APCDD1L: variants seen among roughly 807,000 people sequenced by gnomAD.
APCDD1L encodes APC down-regulated 1 like.
Under a neutral mutation model 24.2 loss-of-function variants are expected in APCDD1L, and 21 were observed. The observed-to-expected ratio is 0.87, with a 90% confidence interval of 0.61 to 1.25. The LOEUF is 1.25. Ranked by LOEUF, APCDD1L falls within the 50% of genes most tolerant of loss-of-function variation. APCDD1L has a pLI of 0.00. For missense variants in APCDD1L, 704 were observed against 711.7 expected, an observed-to-expected ratio of 0.99 and a Z score of 0.12; for synonymous variants, 321 against 323.6, an observed-to-expected ratio of 0.99 and a Z score of 0.09.
intron 3 of APCDD1L, among the ~76,000 whole-genome samples, chr20:58,463,213 G>T (rs1989645416): frequency 6.6e-6 from 1 of 151,214 alleles, no homozygotes; most frequent in Non-Finnish European, 1.5e-5. Flanking sequence ...GAAGGAGATA[G>T]TTGAAATCTC....
intron 2 of APCDD1L, among the ~76,000 whole-genome samples, chr20:58,469,033 G>A (rs753870165): frequency 1.9e-4 from 29 of 152,206 alleles, no homozygotes; most frequent in Non-Finnish European, 3.1e-4. Context: ...CTCCCAGAGA[G>A]AGCAACTTAG....
At chr20:58,483,309 C>T (rs6070480) in intron 1 of APCDD1L, among the ~76,000 whole-genome samples, 1 of 152,026 alleles carries the variant, frequency 6.6e-6, no homozygotes, top group African/African-American at 2.4e-5. Flanking sequence ...CTTCTTGGGG[C>T]TGGAATGTTC....
At chr20:58,493,362 G>C (rs1990260856) in intron 1 of APCDD1L, among the ~76,000 whole-genome samples, 1 of 152,182 alleles carries the variant, frequency 6.6e-6, no homozygotes, top group Admixed American at 6.5e-5. Context: ...CTGTGATTTT[G>C]GTAACTCTAG....
intron 3 of APCDD1L, among the ~76,000 whole-genome samples, chr20:58,464,830 T>G (rs1989677219): frequency 1.3e-5 from 2 of 151,564 alleles, no homozygotes; most frequent in African/African-American, 4.8e-5. Context: ...ATTCCTTCTT[T>G]GAAATTATCT....
At chr20:58,462,003 A>G (rs959545760) in intron 3 of APCDD1L, 1 of 161,616 alleles carries the variant, frequency 6.2e-6, no homozygotes, top group African/African-American at 2.4e-5. Flanking sequence ...ACAGTACTAA[A>G]AAGCCCTAGA....
chr20:58,495,210 T>C (rs1990298550), intron 1 of APCDD1L, among the ~76,000 whole-genome samples: 1 of 152,240 alleles, frequency 6.6e-6, no homozygotes, highest in African/African-American at 2.4e-5. Flanking sequence ...TATGGAGCTC[T>C]AGGACCAGTG....
At chr20:58,509,823 T>C (rs1990593987) in intron 1 of APCDD1L, among the ~76,000 whole-genome samples, 1 of 152,218 alleles carries the variant, frequency 6.6e-6, no homozygotes, top group African/African-American at 2.4e-5. Flanking sequence ...TCACTACTTC[T>C]AGAGGCATCT....
At chr20:58,477,182 TA>T (rs1459058893) in intron 1 of APCDD1L, among the ~76,000 whole-genome samples, 1 of 152,214 alleles carries the variant, frequency 6.6e-6, no homozygotes, top group Non-Finnish European at 1.5e-5. Flanking sequence ...ACCAGGACGT[TA>T]ACATCAATAC....
chr20:58,485,556 C>A (rs1176656183), intron 1 of APCDD1L, among the ~76,000 whole-genome samples: 2 of 152,120 alleles, frequency 1.3e-5, no homozygotes, highest in Non-Finnish European at 2.9e-5. Context: ...GATTCTTACC[C>A]TTCTGTTTAT....
chr20:58,498,352 C>T (rs528738170), intron 1 of APCDD1L, among the ~76,000 whole-genome samples: 2 of 152,132 alleles, frequency 1.3e-5, no homozygotes, highest in Admixed American at 6.5e-5. Flanking sequence ...GAAATTTCAG[C>T]CTCCAAAATG....
chr20:58,470,766 TG>T lies in APCDD1L; in HGVS notation c.50-20del. 19 of 1,525,152 alleles carry T rather than the reference TG, an allele frequency of 1.2e-5. No homozygotes were observed. Among genetic ancestry groups the T allele is most frequent in the Non-Finnish European group, 1.7e-5 (19 of 1,141,016 alleles). The allele number at this position is 1,525,152 out of a possible 1,614,324, so 94.5% of individuals were successfully genotyped here. A position where few individuals can be genotyped will look rare whatever the true frequency, so the allele number is the denominator to read the frequency against. On this transcript the variant is annotated intron_variant, in intron 1 of 3. Transcript: ENST00000371149. ...GTGTGGGCTGCAAAGCAGACAGACC[TG>T]GGTAAGACCCCAGCATGCCCCGGGA...
Position 58,467,607 on chromosome 20 carries a change from G to T in APCDD1L, c.240C>A (p.Tyr80Ter). 1 of 1,548,978 alleles carries T rather than the reference G, an allele frequency of 6.5e-7. No homozygotes were observed. The highest frequency in any genetic ancestry group is 2.5e-5 in the East Asian group (1 of 40,014). Residue 80 changes from tyrosine (Y) to a stop codon, truncating the protein, a stop_gained, in exon 3 of 4, where the codon TAC (tyrosine) becomes TAA (stop). Transcript: ENST00000371149. LOFTEE classifies it high-confidence loss of function. This position sits in a 1 kb window ranked among gnomAD's most constrained non-coding sequence, Gnocchi z 5.9. ...PEFLTRAYTF[Y>*]PSRLFRAHQF... ...GGTGGGCTCGAAAGAGCCGGCTGGGGTAGAAGGTGTAGGCGCGGGTCAGGA... is the reference window on the plus strand; with the variant it reads ...GGTGGGCTCGAAAGAGCCGGCTGGGTTAGAAGGTGTAGGCGCGGGTCAGGA...
chr20:58,498,022 G>A (rs1396478723), intron 1 of APCDD1L, among the ~76,000 whole-genome samples: 1 of 152,022 alleles, frequency 6.6e-6, no homozygotes, highest in Non-Finnish European at 1.5e-5. Flanking sequence ...GTGGTGGGCT[G>A]TTTTTAAAAT....
rs6026318 is a variant in APCDD1L, at chr20:58,508,511, C to T, written c.49+6148G>A. ...TGCCCCCTGAAGTGGTTGACATCCT[C>T]GATTAGATGTTGGCATTGGTGGTGG... On this transcript the variant is annotated intron_variant, in intron 1 of 3. Coordinates refer to ENST00000371149, the MANE Select transcript of APCDD1L (RefSeq NM_153360.3). The surrounding 1 kb of genome is among the most constrained non-coding windows in gnomAD (Gnocchi z 4.0). Among the ~76,000 whole-genome samples the T allele has an allele frequency of 7.2e-5, 11 of 152,090 alleles. No homozygotes were observed. Among genetic ancestry groups the T allele is most frequent in the Admixed American group, 5.9e-4 (9 of 15,278 alleles).
chr20:58,466,062 G>A (rs1392504761), intron 3 of APCDD1L, among the ~76,000 whole-genome samples: 3 of 147,024 alleles, frequency 2.0e-5, no homozygotes, highest in African/African-American at 7.6e-5. Flanking sequence ...CAGGCTCTGA[G>A]CTATGTGCCA....
At position 58,497,368 on chromosome 20, in the gene APCDD1L, G is replaced by A. The variant is rs559737449; in HGVS notation, c.49+17291C>T. Among the ~76,000 whole-genome samples the A allele has an allele frequency of 5.3e-4, 80 of 152,202 alleles. No individual in the cohort carries two copies. In the Middle Eastern group the frequency reaches 0.017, roughly 32 times the overall value. On this transcript the variant is annotated intron_variant, in intron 1 of 3. Transcript: ENST00000371149. This position sits in a 1 kb window ranked among gnomAD's most constrained non-coding sequence, Gnocchi z 4.3. Reference sequence around the variant, plus strand: ...GAGAGGGCCCACTAGGAGGCCCAGGGAACAGACGCCTTGCATCGTGTCCAC... The same window carrying A: ...GAGAGGGCCCACTAGGAGGCCCAGGAAACAGACGCCTTGCATCGTGTCCAC...
At chr20:58,514,279 A>G (rs6015294) in intron 1 of APCDD1L, among the ~76,000 whole-genome samples, 49,608 of 151,992 alleles carry the variant, frequency 0.33, 8,947 homozygotes, top group East Asian at 0.51. Context: ...CTTGGTCTGA[A>G]TAGCCGGGCT....
intron 1 of APCDD1L, among the ~76,000 whole-genome samples, chr20:58,471,964 G>A (rs1024380713): frequency 6.6e-6 from 1 of 152,186 alleles, no homozygotes; most frequent in African/African-American, 2.4e-5. Context: ...GGAGGGGTTG[G>A]GGGCTGAGTT....
chr20:58,505,621 C>T (rs145745401), intron 1 of APCDD1L, among the ~76,000 whole-genome samples: 1 of 152,170 alleles, frequency 6.6e-6, no homozygotes, highest in Non-Finnish European at 1.5e-5. Flanking sequence ...CCCAGAAACA[C>T]CTGGTGCCAT....
Sources: allele counts gnomAD v4.1 joint callset (sites outside exome capture counted in the v4.1 genomes callset), GRCh38; gene constraint gnomAD v4.1.1; non-coding constraint Gnocchi (gnomAD v3.1); transcripts MANE v1.5; gene names NCBI Gene and HGNC (gene_info 2026-07-23, HGNC 2026-07-21).